Variants in ZCCHC17 observed in about 807,000 individuals in gnomAD.
ZCCHC17 encodes the protein zinc finger CCHC domain-containing protein 17.
A neutral mutation model predicts 30.6 loss-of-function variants in ZCCHC17; 18 were observed. The ratio of observed to expected loss-of-function variants is 0.59; its 90% CI spans 0.41 to 0.87. The LOEUF is 0.87. ZCCHC17 is among the 40% of genes least tolerant of loss of function. The pLI is 0.00. For synonymous variants in ZCCHC17, 88 were observed against 92.4 expected, an observed-to-expected ratio of 0.95 and a Z score of 0.27; for missense variants, 263 against 284.2, an observed-to-expected ratio of 0.93 and a Z score of 0.54.
rs71028757 is a variant in ZCCHC17, at chr1:31,340,315, G to GTTTTTTT, written c.317+1281_317+1287dup. Among the ~76,000 whole-genome samples the GTTTTTTT allele has an allele frequency of 2.7e-4, 26 of 95,106 alleles. 1 individual carries two copies. The highest frequency in any genetic ancestry group is 4.4e-4 in the Non-Finnish European group (21 of 47,986). 62.4% of individuals were successfully genotyped at this position (95,106 alleles called of 152,430 possible). A position where few individuals can be genotyped will look rare whatever the true frequency, so the allele number is the denominator to read the frequency against. On this transcript the variant is annotated intron_variant, in intron 5 of 7. Coordinates refer to ENST00000344147, the MANE Select transcript of ZCCHC17 (RefSeq NM_016505.4). ...GTCTCTTAAAGGGGGATCTTGGAGG[G>GTTTTTTT]TTTTTTTTTTTTTTTTTTTTGAGAC...
rs532557480 is a variant in ZCCHC17 at position 31,345,403 on chromosome 1, G to A, written c.318-1237G>A. On this transcript the variant is annotated intron_variant, in intron 5 of 7. Coordinates refer to ENST00000344147, the MANE Select transcript of ZCCHC17 (RefSeq NM_016505.4). ...GATCTCCTGACCTTATGATCCACCC[G>A]CCTTGGCCTCCCAAAGTGCTGGGAT... Among the ~76,000 whole-genome samples the A allele has an allele frequency of 5.3e-5, 8 of 150,760 alleles. No individual in the cohort carries two copies. In the South Asian group the frequency reaches 6.3e-4, roughly 12 times the overall value.
intron 1 of ZCCHC17, among the ~76,000 whole-genome samples, chr1:31,301,232 C>T (rs1156933879): frequency 6.6e-6 from 1 of 152,112 alleles, no homozygotes; most frequent in Non-Finnish European, 1.5e-5. Flanking sequence ...CTGTGCTAGG[C>T]ACTGGAGATT....
At chr1:31,350,275 G>GT (rs1395930217) in intron 7 of ZCCHC17, among the ~76,000 whole-genome samples, 1 of 152,138 alleles carries the variant, frequency 6.6e-6, no homozygotes. Flanking sequence ...ACCAGGCATT[G>GT]TAACTCTAGG....
At chr1:31,334,983 G>A (rs1179165852) in intron 3 of ZCCHC17, among the ~76,000 whole-genome samples, 1 of 152,224 alleles carries the variant, frequency 6.6e-6, no homozygotes, top group African/African-American at 2.4e-5. Context: ...TAAAGTATTA[G>A]AACTCTTGGT....
chr1:31,334,333 CTCTCTGTGTGTGTGTGTGTG>C (rs1261447950), intron 3 of ZCCHC17, among the ~76,000 whole-genome samples: 6 of 60,972 alleles, frequency 9.8e-5, no homozygotes, highest in African/African-American at 3.8e-4. Flanking sequence ...CTCTCTCTCT[CTCTCTGTGTGTGTGTGTGTG>C]TGTGTGTGTG....
intron 5 of ZCCHC17, among the ~76,000 whole-genome samples, chr1:31,345,355 A>C (rs977038350): frequency 1.3e-5 from 2 of 150,314 alleles, no homozygotes; most frequent in African/African-American, 4.9e-5. Flanking sequence ...ACAGGGTTTC[A>C]CCTTGTTAGC....
chr1:31,307,795 G>A (rs1315659370), intron 1 of ZCCHC17, among the ~76,000 whole-genome samples: 3 of 151,942 alleles, frequency 2.0e-5, no homozygotes, highest in Middle Eastern at 3.4e-3. Context: ...GGCTGGTCTC[G>A]AACTCCTGAC....
intron 5 of ZCCHC17, 174 bp from the exon 6 acceptor site, chr1:31,346,466 A>T: frequency 1.7e-6 from 1 of 583,838 alleles, no homozygotes; most frequent in Non-Finnish European, 2.9e-6. Context: ...CGTAATTGTT[A>T]ATTTAGGGCT....
intron 3 of ZCCHC17, among the ~76,000 whole-genome samples, chr1:31,323,335 T>C (rs34477005): frequency 0.54 from 82,119 of 151,448 alleles, 23,120 homozygotes; most frequent in Non-Finnish European, 0.62. Flanking sequence ...TTCTTTTTTT[T>C]TTTTGAGACG....
At chr1:31,337,904 A>G (rs1208750263) in intron 4 of ZCCHC17, among the ~76,000 whole-genome samples, 1 of 152,210 alleles carries the variant, frequency 6.6e-6, no homozygotes, top group African/African-American at 2.4e-5. Flanking sequence ...TTTGGGAGAT[A>G]TAAGAGCGAA....
At chr1:31,326,997 CAT>C (rs981639349) in intron 3 of ZCCHC17, among the ~76,000 whole-genome samples, 73 of 152,292 alleles carry the variant, frequency 4.8e-4, no homozygotes, top group African/African-American at 1.7e-3. Flanking sequence ...TCCCAGATGT[CAT>C]GTTCTCAGAA....
chr1:31,301,936 A>T (rs1646321985), intron 1 of ZCCHC17, among the ~76,000 whole-genome samples: 1 of 152,134 alleles, frequency 6.6e-6, no homozygotes, highest in Non-Finnish European at 1.5e-5. Flanking sequence ...TTGACATTTG[A>T]AAGTGTCCCG....
At chr1:31,356,542 A>C (rs1569929565) in intron 7 of ZCCHC17, among the ~76,000 whole-genome samples, 1 of 152,216 alleles carries the variant, frequency 6.6e-6, no homozygotes, top group South Asian at 2.1e-4. Context: ...CTGTGAATAG[A>C]TAGACTTCAT....
chr1:31,303,501 G>C (rs1390671254), intron 1 of ZCCHC17, among the ~76,000 whole-genome samples: 1 of 152,110 alleles, frequency 6.6e-6, no homozygotes, highest in Non-Finnish European at 1.5e-5. Context: ...CAAAAATCTT[G>C]ACCAGGTCAG....
In ZCCHC17 at chr1:31,364,140, G is replaced by A; in HGVS notation, c.673G>A (p.Ala225Thr). The change falls in exon 8 of 8, where the codon GCA (alanine) becomes ACA (threonine). Residue 225 changes from alanine (A) to threonine (T), a missense_variant. Coordinates refer to ENST00000344147, the MANE Select transcript of ZCCHC17 (RefSeq NM_016505.4). ...AAGGCACACATCAAAAGACAGCAAGGCAGCAAAGAAGAAGAAAAAGAAGAA... is the reference window on the plus strand; with the variant it reads ...AAGGCACACATCAAAAGACAGCAAGACAGCAAAGAAGAAGAAAAAGAAGAA... ...RARHTSKDSK[A>T]AKKKKKKKKH... is the part of the protein sequence containing the mutation. 6.2e-7 allele frequency: 1 copy of A among 1,613,890 alleles called. No individual in the cohort carries two copies. Among genetic ancestry groups the A allele is most frequent in the Non-Finnish European group, 8.5e-7 (1 of 1,179,900 alleles).
intron 7 of ZCCHC17, among the ~76,000 whole-genome samples, chr1:31,359,255 C>T (rs1032664519): frequency 7.2e-5 from 11 of 152,230 alleles, no homozygotes; most frequent in African/African-American, 2.4e-4. Context: ...GTGGCTCATG[C>T]CTGTAATCCC....
chr1:31,314,812 G>A (rs1368419596), intron 2 of ZCCHC17, among the ~76,000 whole-genome samples: 2 of 151,990 alleles, frequency 1.3e-5, no homozygotes, highest in South Asian at 2.1e-4. Context: ...GATTACAGGC[G>A]CATGCCACCA....
Position 31,350,207 on chromosome 1 carries a change from A to G in ZCCHC17, c.564+1233A>G, listed in dbSNP as rs76271324. Reference sequence around the variant, plus strand: ...GGATTTTTCTAACTATGGCCAGTATATTGACTTTTGTTTCGTTTTTAAATC... The same window carrying G: ...GGATTTTTCTAACTATGGCCAGTATGTTGACTTTTGTTTCGTTTTTAAATC... On this transcript the variant is annotated intron_variant, in intron 7 of 7. Coordinates refer to ENST00000344147, the MANE Select transcript of ZCCHC17 (RefSeq NM_016505.4). 1.6e-4 allele frequency among the ~76,000 whole-genome samples: 25 copies of G among 152,220 alleles called. No individual in the cohort carries two copies. The East Asian group carries it at 4.8e-3, about 29-fold the overall frequency.
intron 2 of ZCCHC17, among the ~76,000 whole-genome samples, chr1:31,311,884 A>G (rs1646613266): frequency 1.3e-5 from 2 of 152,224 alleles, no homozygotes. Flanking sequence ...TGGTTAAGTC[A>G]TGAAGGCTCT....
Sources: allele counts gnomAD v4.1 joint callset (sites outside exome capture counted in the v4.1 genomes callset), GRCh38; gene constraint gnomAD v4.1.1; transcripts MANE v1.5; gene names NCBI Gene and HGNC (gene_info 2026-07-23, HGNC 2026-07-21).